The following ARHGEF2 variants were observed in gnomAD, a reference collection of about 807,000 sequenced individuals.
ARHGEF2 encodes the protein Rho/Rac guanine nucleotide exchange factor 2.
In ARHGEF2, 22 loss-of-function variants were observed where a neutral mutation model predicts 121.0. The ratio of observed to expected loss-of-function variants is 0.18; its 90% CI spans 0.13 to 0.26. ARHGEF2 has a LOEUF of 0.26. Ranked by LOEUF, ARHGEF2 falls within the 10% of genes least tolerant of loss-of-function variation. The pLI is 1.00. For missense variants in ARHGEF2, 907 were observed against 1,336.0 expected, an observed-to-expected ratio of 0.68 and a Z score of 5.01; for synonymous variants, 487 against 530.0, an observed-to-expected ratio of 0.92 and a Z score of 1.11.
In ARHGEF2 at chr1:155,966,725, G is replaced by A. The variant is rs527642962; in HGVS notation, c.276+95C>T. ...GCCCCTTGGTGAGGAGGTGGGTGGT[G>A]AGAAACACAGGGTAGGGAATGAATG... On this transcript the variant is annotated intron_variant, in intron 3 of 21. Coordinates refer to ENST00000361247, the MANE Select transcript of ARHGEF2 (RefSeq NM_001162383.2). 1.1e-3 allele frequency: 1,460 copies of A among 1,373,176 alleles called. 1 individual carries two copies. The highest frequency in any genetic ancestry group is 1.4e-3 in the Non-Finnish European group (1,353 of 962,352). 85.1% of individuals were successfully genotyped at this position (1,373,176 alleles called of 1,614,324 possible).
Position 155,978,118 on chromosome 1 carries a change from A to G in ARHGEF2, c.63+247T>C. Reference sequence around the variant, plus strand: ...AAAGCACTCGGTCCCGCCGGCTTGGAGGCGACCAAGCCCAGGTCCGCTCCG... The same window carrying G: ...AAAGCACTCGGTCCCGCCGGCTTGGGGGCGACCAAGCCCAGGTCCGCTCCG... On this transcript the variant is annotated intron_variant, in intron 1 of 21. Transcript: ENST00000361247. This position sits in a 1 kb window ranked among gnomAD's most constrained non-coding sequence, Gnocchi z 4.1. The G allele has an allele frequency of 1.6e-6, 2 of 1,234,564 alleles. No individual in the cohort carries two copies. Among genetic ancestry groups the G allele is most frequent in the Non-Finnish European group, 2.0e-6 (2 of 983,956 alleles). 76.5% of individuals were successfully genotyped at this position (1,234,564 alleles called of 1,614,324 possible).
In ARHGEF2 at chr1:155,963,076, C is replaced by A. The variant is rs1431330669; in HGVS notation, c.832G>T (p.Gly278Cys). ...ELHLEPGVVQGLFPCVDELSD... is the reference protein window; with the variant it reads ...ELHLEPGVVQCLFPCVDELSD... Reference sequence around the variant, plus strand: ...AGCTCGTCCACGCAGGGGAACAGGCCCTGGACCACTCCTGGCTCCAAGTGT... The same window carrying A: ...AGCTCGTCCACGCAGGGGAACAGGCACTGGACCACTCCTGGCTCCAAGTGT... Residue 278 changes from glycine (G) to cysteine (C), a missense_variant, in exon 8 of 22, where the codon GGC becomes TGC. By Grantham distance (159) the Gly-to-Cys change is radical (BLOSUM62 -3). Coordinates refer to ENST00000361247, the MANE Select transcript of ARHGEF2 (RefSeq NM_001162383.2). 1 of 1,614,054 alleles carries A rather than the reference C, an allele frequency of 6.2e-7. No individual in the cohort carries two copies.
At chr1:155,975,037 C>T (rs1020301453) in intron 1 of ARHGEF2, among the ~76,000 whole-genome samples, 9 of 151,692 alleles carry the variant, frequency 5.9e-5, no homozygotes, top group Admixed American at 5.9e-4. Flanking sequence ...CAGCCAGCTC[C>T]TCTCAGCCTT....
intron 1 of ARHGEF2, among the ~76,000 whole-genome samples, chr1:155,973,771 G>A (rs1226694393): frequency 1.3e-5 from 2 of 151,674 alleles, no homozygotes; most frequent in East Asian, 1.9e-4. Flanking sequence ...AAAGAAAAAA[G>A]AAAGAAAGAT....
At chr1:155,974,773 AC>A (rs760318772) in intron 1 of ARHGEF2, among the ~76,000 whole-genome samples, 3 of 152,038 alleles carry the variant, frequency 2.0e-5, no homozygotes, top group Non-Finnish European at 2.9e-5. Flanking sequence ...GGACCCTGAG[AC>A]CCAAGCATCC....
chr1:155,953,746 CAAAA>C (rs926082849), intron 14 of ARHGEF2, among the ~76,000 whole-genome samples: 7 of 45,298 alleles, frequency 1.5e-4, no homozygotes, highest in Non-Finnish European at 2.9e-4. Context: ...GACCCTGTCT[CAAAA>C]AAAAAAAAAA....
intron 1 of ARHGEF2, among the ~76,000 whole-genome samples, chr1:155,977,053 G>A (rs1240405548): frequency 2.0e-5 from 3 of 152,154 alleles, no homozygotes; most frequent in Non-Finnish European, 4.4e-5. Flanking sequence ...TACCAGGGAG[G>A]TGGAGGGGAG....
chr1:155,962,526 A>G lies in ARHGEF2; in HGVS notation c.1101+67T>C, dbSNP rs1678177707. On this transcript the variant is annotated intron_variant, in intron 9 of 21. Coordinates refer to ENST00000361247, the MANE Select transcript of ARHGEF2 (RefSeq NM_001162383.2). This position sits in a 1 kb window ranked among gnomAD's most constrained non-coding sequence, Gnocchi z 5.8. ...CTCCATGTGGGTGCAGCTCACAGGC[A>G]CTACCCCCATGAGTTGGGGAGGGTG... 1 of 1,592,808 alleles carries G rather than the reference A, an allele frequency of 6.3e-7. No individual in the cohort carries two copies. Among genetic ancestry groups the G allele is most frequent in the Non-Finnish European group, 8.6e-7 (1 of 1,169,050 alleles).
chr1:155,970,486 G>A lies in ARHGEF2; in HGVS notation c.64-1186C>T, dbSNP rs140252587. 1,669 of 985,494 alleles carry A rather than the reference G, an allele frequency of 1.7e-3. 30 individuals are homozygous for A. In the African/African-American group the frequency reaches 0.027, roughly 16 times the overall value. The allele number at this position is 985,494 out of a possible 1,614,324, so 61.0% of individuals were successfully genotyped here. ...CGCTCTTGGAGCAGGACTAGAAGCTGAGAAGACCACTCCCTCCAAGGTTTC... is the reference window on the plus strand; with the variant it reads ...CGCTCTTGGAGCAGGACTAGAAGCTAAGAAGACCACTCCCTCCAAGGTTTC... On this transcript the variant is annotated intron_variant, in intron 1 of 21. Transcript: ENST00000361247.
chr1:155,962,458 G>T lies in ARHGEF2; in HGVS notation c.1101+135C>A. On this transcript the variant is annotated intron_variant, in intron 9 of 21. Transcript: ENST00000361247. The surrounding 1 kb of genome is among the most constrained non-coding windows in gnomAD (Gnocchi z 5.8). Reference sequence around the variant, plus strand: ...GCATTCTGAGGGGTTACTGCTGACAGGATCTGTGTATGGATGGTCTGCACG... The same window carrying T: ...GCATTCTGAGGGGTTACTGCTGACATGATCTGTGTATGGATGGTCTGCACG... 1 of 1,320,250 alleles carries T rather than the reference G, an allele frequency of 7.6e-7. No individual in the cohort carries two copies. Among genetic ancestry groups the T allele is most frequent in the Non-Finnish European group, 1.1e-6 (1 of 951,354 alleles). 81.8% of individuals were successfully genotyped at this position (1,320,250 alleles called of 1,614,324 possible). A position where few individuals can be genotyped will look rare whatever the true frequency, so the allele number is the denominator to read the frequency against.
chr1:155,969,807 G>C (rs557915138), intron 1 of ARHGEF2: 23 of 987,024 alleles, frequency 2.3e-5, no homozygotes, highest in East Asian at 2.3e-4. Flanking sequence ...AGTCACAGTG[G>C]GGGGGGCAGG....
At chr1:155,957,580 T>G (rs957082180) in intron 13 of ARHGEF2, 133 bp downstream of exon 13, 4 of 1,059,156 alleles carry the variant, frequency 3.8e-6, no homozygotes, top group Non-Finnish European at 3.9e-6. Flanking sequence ...TCTTGGGCCA[T>G]TTTGTCTCTC....
intron 3 of ARHGEF2, 74 bp downstream of exon 3, chr1:155,966,746 G>T (rs568850749): frequency 2.1e-6 from 3 of 1,434,694 alleles, no homozygotes; most frequent in African/African-American, 2.8e-5. Flanking sequence ...GGTAGGGAAT[G>T]AATGGAAAAG....
chr1:155,966,769 C>T (rs747212714), intron 3 of ARHGEF2, 51 bp downstream of exon 3: 20 of 1,489,800 alleles, frequency 1.3e-5, no homozygotes, highest in Admixed American at 6.7e-5. Context: ...ATGAGGGTAC[C>T]GCACACTCAC....
intron 13 of ARHGEF2, among the ~76,000 whole-genome samples, chr1:155,955,315 G>A (rs1248931898): frequency 6.6e-6 from 1 of 151,942 alleles, no homozygotes; most frequent in Non-Finnish European, 1.5e-5. Context: ...AGTAGACATG[G>A]GGTTTCGTCA....
Position 155,951,629 on chromosome 1 carries a change from G to A in ARHGEF2, c.2209-96C>T, listed in dbSNP as rs552567555. ...GTGGGTGTGGGGACAGTAGGATCCGGAGACATACTTGAATGTAGACGCTTT... is the reference window on the plus strand; with the variant it reads ...GTGGGTGTGGGGACAGTAGGATCCGAAGACATACTTGAATGTAGACGCTTT... On this transcript the variant is annotated intron_variant, in intron 18 of 21. Coordinates refer to ENST00000361247, the MANE Select transcript of ARHGEF2 (RefSeq NM_001162383.2). This position sits in a 1 kb window ranked among gnomAD's most constrained non-coding sequence, Gnocchi z 5.1. 5 of 1,606,400 alleles carry A rather than the reference G, an allele frequency of 3.1e-6. No homozygotes were observed. The South Asian group carries it at 4.4e-5, about 14-fold the overall frequency.
chr1:155,972,294 C>T (rs977542633), intron 1 of ARHGEF2: 5 of 464,018 alleles, frequency 1.1e-5, no homozygotes, highest in Middle Eastern at 3.2e-4. Context: ...GGGCCAGCAG[C>T]GGGCAGCAGC....
rs950205265 is a variant in ARHGEF2 at position 155,946,902 on chromosome 1, A to G, written c.*1040T>C. 6.5e-6 allele frequency: 1 copy of G among 153,742 alleles called. No individual in the cohort carries two copies. The allele number at this position is 153,742 out of a possible 1,614,324, so 9.5% of individuals were successfully genotyped here. On this transcript the variant is annotated 3_prime_UTR_variant, in exon 22 of 22. Transcript: ENST00000361247. ...CCCTGAATTTTTTTTTTAAACAACAAAATTGGCAAGAAGAAAATTCTTCGA... is the reference window on the plus strand; with the variant it reads ...CCCTGAATTTTTTTTTTAAACAACAGAATTGGCAAGAAGAAAATTCTTCGA...
At chr1:155,964,214 A>G (rs1219934364) in intron 7 of ARHGEF2, among the ~76,000 whole-genome samples, 5 of 133,898 alleles carry the variant, frequency 3.7e-5, no homozygotes, top group Admixed American at 7.5e-5. Context: ...ATATATATAT[A>G]TATTTTTTTT....
Sources: gnomAD v4.1 joint callset for allele counts (sites outside exome capture counted in the v4.1 genomes callset) on GRCh38, gnomAD v4.1.1 for gene constraint, Gnocchi (gnomAD v3.1) non-coding constraint, MANE v1.5 for transcripts, NCBI Gene and HGNC (gene_info 2026-07-23, HGNC 2026-07-21) for gene names.